MYO7A: variants seen among roughly 807,000 people sequenced by gnomAD.
MYO7A encodes the protein unconventional myosin-VIIa.
MYO7A carries 210 observed loss-of-function variants against 263.8 expected under a neutral mutation model. The ratio of observed to expected loss-of-function variants is 0.80; its 90% confidence interval spans 0.71 to 0.89. The LOEUF is 0.89. Ranked by LOEUF, MYO7A falls within the 40% of genes least tolerant of loss-of-function variation. MYO7A has a pLI of 0.00. For synonymous variants in MYO7A, 1,239 were observed against 1,197.3 expected (o/e 1.03, Z -0.72); for missense variants, 2,820 against 2,968.3 (o/e 0.95, Z 1.16).
intron 16 of MYO7A, among the ~76,000 whole-genome samples, chr11:77,173,649 G>C (rs569505067): frequency 6.6e-6 from 1 of 152,306 alleles, no homozygotes; most frequent in East Asian, 1.9e-4. Context: ...GGAGGCACAG[G>C]GGGAAGCTGG....
chr11:77,132,205 G>A (rs1257563461), intron 2 of MYO7A, among the ~76,000 whole-genome samples: 2 of 151,816 alleles, frequency 1.3e-5, no homozygotes, highest in Admixed American at 6.6e-5. Flanking sequence ...TACTTCCTTC[G>A]GGAGGCTTCC....
In MYO7A at chr11:77,147,783, TC is replaced by T; in HGVS notation, c.133-14del. 2 of 1,608,166 alleles carry T rather than the reference TC, an allele frequency of 1.2e-6. No homozygotes were observed. Among genetic ancestry groups the T allele is most frequent in the Non-Finnish European group, 1.7e-6 (2 of 1,178,264 alleles). On this transcript the variant is annotated splice_polypyrimidine_tract_variant and intron_variant, in intron 3 of 48. Transcript: ENST00000409709. ...GGGCCCCAGGAGAGCACGCTGACGTTCTGGCTCCCCGCAGGAACACTGGATC... is the reference window on the plus strand; with the variant it reads ...GGGCCCCAGGAGAGCACGCTGACGTTTGGCTCCCCGCAGGAACACTGGATC...
At chr11:77,130,394 G>A (rs1555045711) in intron 1 of MYO7A, among the ~76,000 whole-genome samples, 195 bp from the exon 2 acceptor site, 4 of 152,208 alleles carry the variant, frequency 2.6e-5, no homozygotes, top group Admixed American at 6.5e-5. Flanking sequence ...AGCTGCTCTG[G>A]GCAGTGGTGC....
chr11:77,185,609 G>C (rs1337719123), intron 27 of MYO7A, among the ~76,000 whole-genome samples: 1 of 152,142 alleles, frequency 6.6e-6, no homozygotes, highest in Non-Finnish European at 1.5e-5. Context: ...TCCTCTTGAA[G>C]TCTTGAGCCC....
intron 2 of MYO7A, among the ~76,000 whole-genome samples, chr11:77,135,916 A>ATGTT (rs1302736428): frequency 5.3e-5 from 8 of 152,100 alleles, no homozygotes; most frequent in African/African-American, 1.4e-4. Flanking sequence ...TCCTATGCCT[A>ATGTT]TGTTTGTTTG....
At chr11:77,200,375 C>T (rs1023350790) in intron 35 of MYO7A, among the ~76,000 whole-genome samples, 1 of 152,112 alleles carries the variant, frequency 6.6e-6, no homozygotes, top group African/African-American at 2.4e-5. Flanking sequence ...AGAAGGGGTG[C>T]CTGCATCAGA....
chr11:77,159,403 G>GGCCCCCCCCCC, intron 9 of MYO7A, 44 bp from the exon 10 acceptor site: 1 of 711,708 alleles, frequency 1.4e-6, no homozygotes. Flanking sequence ...TGCCCCTGTT[G>GGCCCCCCCCCC]CCCACCCTCC....
intron 2 of MYO7A, among the ~76,000 whole-genome samples, chr11:77,136,109 C>T (rs1192203761): frequency 2.6e-5 from 4 of 152,186 alleles, no homozygotes; most frequent in Admixed American, 6.5e-5. Context: ...CTTTTGTTTA[C>T]GTGGGAATGT....
At chr11:77,145,958 C>T (rs1951531336) in intron 3 of MYO7A, among the ~76,000 whole-genome samples, 1 of 152,234 alleles carries the variant, frequency 6.6e-6, no homozygotes, top group South Asian at 2.1e-4. Context: ...CCCGCAGTCA[C>T]CAGCCAGCCA....
At chr11:77,194,061 C>G (rs1327857239) in intron 31 of MYO7A, 1 of 604,228 alleles carries the variant, frequency 1.7e-6, no homozygotes, top group East Asian at 3.6e-5. Context: ...GCTCGATGGG[C>G]TGGCTTGTTT....
rs568301918 is a variant in MYO7A at position 77,189,447 on chromosome 11, G to A, written c.3607G>A (p.Ala1203Thr). 1.3e-5 allele frequency: 21 copies of A among 1,613,812 alleles called. No individual in the cohort carries two copies. The Admixed American group carries it at 2.3e-4, about 18-fold the overall frequency. Reference protein sequence around the residue: ...ILVSLCVGCFAPSEKFVKYLR... With the variant: ...ILVSLCVGCFTPSEKFVKYLR... ...CGTGTCTCTCTGCGTGGGCTGTTTC[G>A]CCCCCTCCGAGAAGTTTGTCAAGGT... The change falls in exon 28 of 49, where the codon GCC becomes ACC. Residue 1203 changes from alanine (A) to threonine (T), a missense_variant. Coordinates refer to ENST00000409709, the MANE Select transcript of MYO7A (RefSeq NM_000260.4).
chr11:77,135,032 G>T (rs782627076), intron 2 of MYO7A, among the ~76,000 whole-genome samples: 1 of 152,052 alleles, frequency 6.6e-6, no homozygotes, highest in Non-Finnish European at 1.5e-5. Context: ...TGATCTGCCC[G>T]CCTCAGCCTC....
Position 77,142,763 on chromosome 11 carries a change from G to A in MYO7A, c.73G>A (p.Gly25Arg), listed in dbSNP as rs782252317. The change falls in exon 3 of 49, where the codon GGG becomes AGG. Residue 25 changes from glycine to arginine, a missense_variant. Physicochemically the swap from Gly to Arg is moderately radical, Grantham distance 125. Transcript: ENST00000409709. ...RLGQEFDVPIGAVVKLCDSGQ... is the reference protein window; with the variant it reads ...RLGQEFDVPIRAVVKLCDSGQ... ...GGGGCAGGAGTTCGACGTGCCCATC[G>A]GGGCGGTGGTGAAGCTCTGCGACTC... 17 of 1,612,182 alleles carry A rather than the reference G, an allele frequency of 1.1e-5. No homozygotes were observed. The highest frequency in any genetic ancestry group is 1.7e-5 in the Admixed American group (1 of 59,828).
intron 16 of MYO7A, among the ~76,000 whole-genome samples, 158 bp from the exon 17 acceptor site, chr11:77,174,598 A>G (rs1189447541): frequency 2.0e-5 from 3 of 152,142 alleles, no homozygotes; most frequent in Admixed American, 6.5e-5. Flanking sequence ...TCTTTTGTGG[A>G]TTTGAGCTGC....
intron 31 of MYO7A, among the ~76,000 whole-genome samples, chr11:77,192,644 T>C (rs1384240818): frequency 1.3e-5 from 2 of 152,108 alleles, no homozygotes; most frequent in African/African-American, 2.4e-5. Flanking sequence ...GAGATCAGAA[T>C]TTGCAAATGT....
In MYO7A at chr11:77,138,224, CG is replaced by C. The variant is rs1950986236; in HGVS notation, c.19-4483del. 6.6e-6 allele frequency among the ~76,000 whole-genome samples: 1 copy of C among 151,874 alleles called. No homozygotes were observed. Among genetic ancestry groups the C allele is most frequent in the Admixed American group, 6.5e-5 (1 of 15,278 alleles). ...TGCCATGGGCCCGCAGCAGATGGCC[CG>C]GTTTAGGGTTCCGGGGCGGGCGGCG... On this transcript the variant is annotated intron_variant, in intron 2 of 48. Transcript: ENST00000409709. The surrounding 1 kb of genome is among the most constrained non-coding windows in gnomAD (Gnocchi z 4.9).
At chr11:77,134,781 C>CTTT (rs34558738) in intron 2 of MYO7A, among the ~76,000 whole-genome samples, 9 of 124,566 alleles carry the variant, frequency 7.2e-5, no homozygotes, top group Admixed American at 1.7e-4. Flanking sequence ...TACCACTTAA[C>CTTT]TTTTTTTTTT....
intron 22 of MYO7A, 110 bp from the exon 23 acceptor site, chr11:77,181,261 GTCAGGAGGT>G (rs1422734631): frequency 1.2e-6 from 1 of 869,116 alleles, no homozygotes; most frequent in Non-Finnish European, 1.7e-6. Context: ...CTTCCCAGCG[GTCAGGAGGT>G]GGGGACTGAG....
rs1267397730 is a variant in MYO7A at position 77,147,552 on chromosome 11, C to T, written c.133-246C>T. The stretch of plus-strand genomic sequence containing the variant: ...CAACAGTCAGATGGGGCCAAAATCC[C>T]TGCCCTGCCCACCTCTTAGGTCTGC... On this transcript the variant is annotated intron_variant, in intron 3 of 48. Transcript: ENST00000409709. Among the ~76,000 whole-genome samples the T allele has an allele frequency of 2.0e-5, 3 of 152,210 alleles. No individual in the cohort carries two copies. In the East Asian group the frequency reaches 5.8e-4, roughly 29 times the overall value.
Sources: gnomAD v4.1 joint callset for allele counts (sites outside exome capture counted in the v4.1 genomes callset) on GRCh38, gnomAD v4.1.1 for gene constraint, Gnocchi (gnomAD v3.1) non-coding constraint, MANE v1.5 for transcripts, NCBI Gene and HGNC (gene_info 2026-07-23, HGNC 2026-07-21) for gene names.